Variants in SNX30 observed in about 807,000 individuals in gnomAD.
SNX30 encodes the protein sorting nexin family member 30, also known as sorting nexin-30.
A neutral mutation model predicts 46.4 loss-of-function variants in SNX30; 24 were observed. The observed-to-expected ratio is 0.52, with a 90% CI of 0.37 to 0.73. The LOEUF (loss-of-function observed/expected upper bound fraction) is 0.73. Ranked by LOEUF, SNX30 falls within the 30% of genes least tolerant of loss-of-function variation. The probability of loss-of-function intolerance (pLI) is 0.00; values close to 1 mark genes in which losing one functional copy is unlikely to be tolerated. For missense variants in SNX30, 533 were observed against 555.7 expected, an observed-to-expected ratio of 0.96 and a Z score of 0.41; for synonymous variants, 189 against 211.5, an observed-to-expected ratio of 0.89 and a Z score of 0.92.
chr9:112,853,101 G>A (rs1030375014), intron 7 of SNX30, among the ~76,000 whole-genome samples: 1 of 152,218 alleles, frequency 6.6e-6, no homozygotes, highest in African/African-American at 2.4e-5. Flanking sequence ...CAGCCTCTTT[G>A]ATGCCGAGTG....
chr9:112,768,207 A>G (rs1317908691), intron 1 of SNX30, among the ~76,000 whole-genome samples: 3 of 152,128 alleles, frequency 2.0e-5, no homozygotes, highest in Non-Finnish European at 4.4e-5. Flanking sequence ...GTCTCTGCCA[A>G]GTGATTTTCC....
intron 4 of SNX30, among the ~76,000 whole-genome samples, chr9:112,832,602 A>G (rs1271354266): frequency 7.6e-6 from 1 of 131,394 alleles, no homozygotes; most frequent in Non-Finnish European, 1.6e-5. Flanking sequence ...CAGGAAGGGG[A>G]ACATCACACG....
chr9:112,753,918 G>C (rs1839311836), intron 1 of SNX30, among the ~76,000 whole-genome samples: 1 of 152,236 alleles, frequency 6.6e-6, no homozygotes, highest in South Asian at 2.1e-4. Flanking sequence ...GTCAGAGCCA[G>C]AAGAAGGAAG....
At chr9:112,834,706 G>A (rs1401637669) in intron 4 of SNX30, among the ~76,000 whole-genome samples, 1 of 152,144 alleles carries the variant, frequency 6.6e-6, no homozygotes, top group African/African-American at 2.4e-5. Context: ...CTTGGGGCAG[G>A]TGAAAGGAGG....
chr9:112,848,061 G>T (rs1390298107), intron 6 of SNX30, among the ~76,000 whole-genome samples: 1 of 152,206 alleles, frequency 6.6e-6, no homozygotes, highest in Non-Finnish European at 1.5e-5. Context: ...TGGGGAATGG[G>T]TGTGTAGAGG....
chr9:112,797,310 C>A (rs143602196), intron 1 of SNX30, among the ~76,000 whole-genome samples: 348 of 152,324 alleles, frequency 2.3e-3, no homozygotes, highest in Non-Finnish European at 4.0e-3. Context: ...TGACTACCCT[C>A]CTACCCACTA....
At chr9:112,857,870 C>T (rs1841161367) in intron 7 of SNX30, among the ~76,000 whole-genome samples, 1 of 152,090 alleles carries the variant, frequency 6.6e-6, no homozygotes, top group South Asian at 2.1e-4. Flanking sequence ...AATCTCGGCT[C>T]ACTGAGTAAT....
chr9:112,766,194 G>C (rs1373543120), intron 1 of SNX30, among the ~76,000 whole-genome samples: 1 of 152,168 alleles, frequency 6.6e-6, no homozygotes, highest in Non-Finnish European at 1.5e-5. Context: ...TCCTGTCATG[G>C]AAAATTCACA....
chr9:112,775,715 T>TA (rs1839735785), intron 1 of SNX30, among the ~76,000 whole-genome samples: 1 of 151,936 alleles, frequency 6.6e-6, no homozygotes, highest in Admixed American at 6.6e-5. Context: ...CAACCAGTGT[T>TA]ACCAATTTAT....
intron 3 of SNX30, among the ~76,000 whole-genome samples, chr9:112,818,296 G>A (rs1588126544): frequency 6.6e-6 from 1 of 150,424 alleles, no homozygotes; most frequent in Non-Finnish European, 1.5e-5. Flanking sequence ...CCGACTCCCA[G>A]GTTCAAGTGG....
rs202165083 is a variant in SNX30 at position 112,830,710 on chromosome 9, T to C, written c.460-15T>C. On this transcript the variant is annotated splice_polypyrimidine_tract_variant and intron_variant, in intron 3 of 8. Transcript: ENST00000374232. ...CTCATCAATTACTCTGGTTTTTTTC[T>C]TCATGTCTTCATAGCCTCTTCCCGA... The C allele has an allele frequency of 6.9e-6, 11 of 1,600,258 alleles. No individual in the cohort carries two copies. The highest frequency in any genetic ancestry group is 9.4e-6 in the Non-Finnish European group (11 of 1,175,890).
intron 4 of SNX30, among the ~76,000 whole-genome samples, chr9:112,834,875 CACACA>C (rs1554754680): frequency 8.9e-4 from 83 of 93,758 alleles, no homozygotes; most frequent in African/African-American, 2.3e-3. Context: ...CACACACACA[CACACA>C]CACCTACCTC....
rs1564279408 is a variant in SNX30, at chr9:112,817,829, C to T, written c.459+14C>T. The T allele has an allele frequency of 1.3e-6, 2 of 1,533,124 alleles. No homozygotes were observed. The highest frequency in any genetic ancestry group is 2.7e-5 in the African/African-American group (2 of 73,476). The allele number at this position is 1,533,124 out of a possible 1,614,324, so 95.0% of individuals were successfully genotyped here. A position where few individuals can be genotyped will look rare whatever the true frequency, so the allele number is the denominator to read the frequency against. On this transcript the variant is annotated intron_variant, in intron 3 of 8. Transcript: ENST00000374232. ...CATCTCATTCCCGTAGGTAGTAAGT[C>T]ACTACAGCTTGTTTCTCACTTGTCC...
rs1208823777 is a variant in SNX30 at position 112,869,150 on chromosome 9, C to A, written c.*307C>A. ...GGGACAAGACAACCTGCAGCTGACG[C>A]TCTGACATTTCATGACAGTTTCCTC... On this transcript the variant is annotated 3_prime_UTR_variant, in exon 9 of 9. Transcript: ENST00000374232. 1.2e-3 allele frequency: 395 copies of A among 322,306 alleles called. 5 individuals carry two copies. Among genetic ancestry groups the A allele is most frequent in the African/African-American group, 7.7e-3 (371 of 48,242 alleles). 20.0% of individuals were successfully genotyped at this position (322,306 alleles called of 1,614,324 possible).
chr9:112,866,378 T>C (rs1432375373), intron 8 of SNX30: 3 of 464,088 alleles, frequency 6.5e-6, no homozygotes, highest in Non-Finnish European at 1.3e-5. Context: ...ATTCCAGGTA[T>C]AGGAGACAAC....
At position 112,804,709 on chromosome 9, in the gene SNX30, A is replaced by G; in HGVS notation, c.157-67A>G. On this transcript the variant is annotated intron_variant, in intron 1 of 8. Transcript: ENST00000374232. ...AAATGTTTATTGGTTTGGCTAAACC[A>G]GCTGCTTTTGCTGATACTCTCCAGT... 5.0e-6 allele frequency: 7 copies of G among 1,411,700 alleles called. No homozygotes were observed. The Admixed American group carries it at 6.8e-5, about 14-fold the overall frequency. The allele number at this position is 1,411,700 out of a possible 1,614,324, so 87.4% of individuals were successfully genotyped here.
At chr9:112,861,626 G>A (rs1841234162) in intron 7 of SNX30, among the ~76,000 whole-genome samples, 1 of 152,180 alleles carries the variant, frequency 6.6e-6, no homozygotes, top group Admixed American at 6.5e-5. Context: ...ACTTTGGGAC[G>A]AGCCTCAGGT....
intron 6 of SNX30, among the ~76,000 whole-genome samples, chr9:112,849,723 G>A (rs1314493641): frequency 6.6e-6 from 1 of 152,200 alleles, no homozygotes; most frequent in Non-Finnish European, 1.5e-5. Context: ...TCAGTTGCCT[G>A]TCACCTTTAG....
At chr9:112,860,632 C>T (rs1841210694) in intron 7 of SNX30, among the ~76,000 whole-genome samples, 1 of 152,198 alleles carries the variant, frequency 6.6e-6, no homozygotes, top group Non-Finnish European at 1.5e-5. Context: ...TTCCAGGATG[C>T]CCAGTGCAAT....
Sources: allele counts gnomAD v4.1 joint callset (sites outside exome capture counted in the v4.1 genomes callset), GRCh38; gene constraint gnomAD v4.1.1; transcripts MANE v1.5; gene names NCBI Gene and HGNC (gene_info 2026-07-23, HGNC 2026-07-21).